The following XPR1 variants were observed in gnomAD, a reference collection of about 807,000 sequenced individuals.
The protein encoded by XPR1 is xenotropic and polytropic retrovirus receptor 1.
A neutral mutation model predicts 87.5 loss-of-function variants in XPR1; 28 were observed. The observed-to-expected ratio is 0.32, with a 90% CI of 0.24 to 0.44. XPR1 has a LOEUF of 0.44. Ranked by LOEUF, XPR1 falls within the 20% of genes least tolerant of loss-of-function variation. The pLI, the probability that XPR1 is intolerant of heterozygous loss-of-function variation, is 1.00. For missense variants in XPR1, 559 were observed against 862.3 expected (o/e 0.65, Z 4.41); for synonymous variants, 300 against 306.1 (o/e 0.98, Z 0.21).
chr1:180,668,825 C>G (rs1400681988), intron 1 of XPR1, among the ~76,000 whole-genome samples: 2 of 152,158 alleles, frequency 1.3e-5, no homozygotes. Context: ...CACGGTGGCT[C>G]ACACCTGTAA....
intron 1 of XPR1, among the ~76,000 whole-genome samples, chr1:180,661,111 A>G (rs1655757164): frequency 6.6e-6 from 1 of 151,762 alleles, no homozygotes; most frequent in Non-Finnish European, 1.5e-5. Flanking sequence ...ATTTTTATCT[A>G]TTCTTATATT....
chr1:180,836,470 G>T, intron 10 of XPR1, 52 bp from the exon 11 acceptor site: 1 of 1,605,184 alleles, frequency 6.2e-7, no homozygotes, highest in South Asian at 1.1e-5. Flanking sequence ...TAAATGATGT[G>T]AACAAGTTAC....
intron 1 of XPR1, among the ~76,000 whole-genome samples, chr1:180,677,735 A>G (rs1360830124): frequency 6.6e-6 from 1 of 152,192 alleles, no homozygotes; most frequent in Non-Finnish European, 1.5e-5. Flanking sequence ...GTTTTGGGAA[A>G]GGGTTAATAT....
chr1:180,790,665 G>A (rs1571841198), intron 3 of XPR1, among the ~76,000 whole-genome samples: 2 of 151,894 alleles, frequency 1.3e-5, no homozygotes, highest in East Asian at 3.9e-4. Flanking sequence ...TCAGCCTCCC[G>A]AGTAGCTGGG....
chr1:180,661,732 G>C (rs1655787043), intron 1 of XPR1, among the ~76,000 whole-genome samples: 1 of 152,008 alleles, frequency 6.6e-6, no homozygotes, highest in Non-Finnish European at 1.5e-5. Flanking sequence ...AAAATTAGCT[G>C]GGCATGGTGG....
At chr1:180,833,014 T>C (rs1224605319) in intron 9 of XPR1, among the ~76,000 whole-genome samples, 2 of 151,484 alleles carry the variant, frequency 1.3e-5, no homozygotes, top group Admixed American at 1.3e-4. Flanking sequence ...TTCCCATTTG[T>C]TTGTATCCTC....
chr1:180,858,196 CAA>C (rs1652099310), intron 11 of XPR1, among the ~76,000 whole-genome samples: 1 of 152,188 alleles, frequency 6.6e-6, no homozygotes. Flanking sequence ...GTGTGGGCAA[CAA>C]GAGTGAAACT....
At chr1:180,683,675 G>A (rs1346926414) in intron 2 of XPR1, among the ~76,000 whole-genome samples, 1 of 152,086 alleles carries the variant, frequency 6.6e-6, no homozygotes, top group East Asian at 1.9e-4. Flanking sequence ...GTGTGAGATG[G>A]TATCCCATTG....
chr1:180,683,680 C>T (rs61809316), intron 2 of XPR1, among the ~76,000 whole-genome samples: 1 of 152,122 alleles, frequency 6.6e-6, no homozygotes, highest in Non-Finnish European at 1.5e-5. Context: ...AGATGGTATC[C>T]CATTGTGGTT....
At chr1:180,657,196 T>G (rs977664765) in intron 1 of XPR1, among the ~76,000 whole-genome samples, 1 of 152,136 alleles carries the variant, frequency 6.6e-6, no homozygotes, top group Non-Finnish European at 1.5e-5. Context: ...ATTAGATTTT[T>G]TTTCCTATAG....
At chr1:180,857,956 C>T (rs957632723) in intron 11 of XPR1, among the ~76,000 whole-genome samples, 1 of 152,156 alleles carries the variant, frequency 6.6e-6, no homozygotes, top group Non-Finnish European at 1.5e-5. Flanking sequence ...GTGGCTCACA[C>T]CTGTAATCCC....
intron 2 of XPR1, among the ~76,000 whole-genome samples, chr1:180,704,245 G>GATATATATATATATATATATATATAT (rs35751561): frequency 7.6e-5 from 5 of 66,026 alleles, no homozygotes; most frequent in Admixed American, 1.8e-4. Context: ...ATAGGTGCTG[G>GATATATATATATATATATATATATAT]ATATATATAT....
chr1:180,720,016 T>C (rs1336823079), intron 2 of XPR1, among the ~76,000 whole-genome samples: 1 of 152,186 alleles, frequency 6.6e-6, no homozygotes, highest in Non-Finnish European at 1.5e-5. Flanking sequence ...AGCATCTTTC[T>C]AATTTTTTTT....
chr1:180,773,452 CAG>C (rs1224114866), intron 2 of XPR1, among the ~76,000 whole-genome samples: 7 of 152,292 alleles, frequency 4.6e-5, no homozygotes, highest in African/African-American at 1.7e-4. Context: ...CTAAGAACAA[CAG>C]AGAGTTACTA....
intron 9 of XPR1, 84 bp from the exon 10 acceptor site, chr1:180,834,787 AATC>A: frequency 1.4e-6 from 2 of 1,386,392 alleles, no homozygotes; most frequent in East Asian, 2.4e-5. Context: ...CAACTAAAGT[AATC>A]ATGCTGAATG....
chr1:180,795,963 C>T (rs1054480861), intron 3 of XPR1, among the ~76,000 whole-genome samples: 2 of 152,116 alleles, frequency 1.3e-5, no homozygotes, highest in Non-Finnish European at 2.9e-5. Context: ...CCCACCAGCA[C>T]ACCTGGCTAA....
chr1:180,735,480 A>C (rs1263292655), intron 2 of XPR1, among the ~76,000 whole-genome samples: 1 of 152,204 alleles, frequency 6.6e-6, no homozygotes. Flanking sequence ...AAAATGTTTT[A>C]AGTACCTTTA....
chr1:180,731,141 G>A (rs186689463), intron 2 of XPR1, among the ~76,000 whole-genome samples: 3 of 152,136 alleles, frequency 2.0e-5, no homozygotes, highest in East Asian at 3.9e-4. Context: ...TATTGGTGTC[G>A]ATCTGCACCA....
intron 2 of XPR1, among the ~76,000 whole-genome samples, chr1:180,748,693 C>CTTTGGG (rs1463467195): frequency 9.9e-5 from 15 of 151,902 alleles, no homozygotes. Flanking sequence ...GCTGGGATTA[C>CTTTGGG]AGCATGAGCC....
Sources: gnomAD v4.1 joint callset for allele counts (sites outside exome capture counted in the v4.1 genomes callset) on GRCh38, gnomAD v4.1.1 for gene constraint, MANE v1.5 for transcripts, NCBI Gene and HGNC (gene_info 2026-07-23, HGNC 2026-07-21) for gene names.